The following TTC9 variants were observed in gnomAD, a reference collection of about 807,000 sequenced individuals.
The protein encoded by TTC9 is tetratricopeptide repeat protein 9A.
Under a neutral mutation model 22.9 loss-of-function variants are expected in TTC9, and 13 were observed. The ratio of observed to expected loss-of-function variants is 0.57; its 90% confidence interval spans 0.37 to 0.90. The LOEUF (loss-of-function observed/expected upper bound fraction) is 0.90. Among genes scored for constraint, TTC9 ranks in the 40% least tolerant of loss-of-function variants. TTC9 has a pLI of 0.01. For synonymous variants in TTC9, 148 were observed against 133.2 expected, an observed-to-expected ratio of 1.11 and a Z score of -0.77; for missense variants, 280 against 291.8, an observed-to-expected ratio of 0.96 and a Z score of 0.29.
intron 1 of TTC9, among the ~76,000 whole-genome samples, chr14:70,647,106 G>T (rs1282779260): frequency 6.6e-6 from 1 of 152,108 alleles, no homozygotes; most frequent in Non-Finnish European, 1.5e-5. Context: ...TATTAGCATA[G>T]ATTTTACTAT....
Position 70,642,162 on chromosome 14 carries a change from G to A in TTC9, c.33G>A (p.Lys11=), listed in dbSNP as rs1045409203. Residue 11 remains lysine (K), a synonymous_variant, in exon 1 of 3, where the codon AAG becomes AAA. Transcript: ENST00000256367. ...GAAAGGGCTCGGCGGCCGGGGCCAA[G>A]GGGAACCCGAGCCCGCCCGCGGCCG... MERKGSAAGA[K]GNPSPPAAGE... is the part of the protein sequence containing the mutation. 1.8e-5 allele frequency: 21 copies of A among 1,190,574 alleles called. No individual in the cohort carries two copies. In the African/African-American group the frequency reaches 3.1e-4, roughly 17 times the overall value. 73.8% of individuals were successfully genotyped at this position (1,190,574 alleles called of 1,614,324 possible).
intron 1 of TTC9, among the ~76,000 whole-genome samples, chr14:70,649,376 C>T (rs1454152494): frequency 6.6e-6 from 1 of 152,188 alleles, no homozygotes; most frequent in African/African-American, 2.4e-5. Context: ...CACCAGACTC[C>T]AGGCTTGGGG....
chr14:70,661,295 C>T (rs1195925715), intron 1 of TTC9, among the ~76,000 whole-genome samples: 1 of 152,214 alleles, frequency 6.6e-6, no homozygotes, highest in African/African-American at 2.4e-5. Context: ...ACTTGATCAT[C>T]TCTGCAAAGA....
At chr14:70,644,746 A>G (rs1885878895) in intron 1 of TTC9, among the ~76,000 whole-genome samples, 1 of 152,176 alleles carries the variant, frequency 6.6e-6, no homozygotes, top group East Asian at 1.9e-4. Flanking sequence ...CTCACAAAAG[A>G]ACGAAAAGAG....
rs1321690062 is a variant in TTC9 at position 70,642,437 on chromosome 14, C to G, written c.308C>G (p.Pro103Arg). Residue 103 changes from proline to arginine, a missense_variant, in exon 1 of 3, where the codon CCG (proline) becomes CGG (arginine). Physicochemically the swap from Pro to Arg is moderately radical, Grantham distance 103 (BLOSUM62 -2). Coordinates refer to ENST00000256367, the MANE Select transcript of TTC9 (RefSeq NM_015351.2). ...PPGERERDSR[P>R]ASPAGALKPG... The stretch of plus-strand genomic sequence containing the variant: ...GGGGAACGGGAGCGGGACTCGCGCC[C>G]GGCCTCCCCGGCTGGGGCCCTGAAG... The G allele has an allele frequency of 4.5e-6, 7 of 1,562,972 alleles. No homozygotes were observed. The highest frequency in any genetic ancestry group is 2.4e-5 in the East Asian group (1 of 41,368).
chr14:70,644,503 A>G (rs1224476424), intron 1 of TTC9, among the ~76,000 whole-genome samples: 1 of 152,158 alleles, frequency 6.6e-6, no homozygotes, highest in African/African-American at 2.4e-5. Context: ...TTGCAGAGAA[A>G]AAGCTCAAGG....
intron 1 of TTC9, among the ~76,000 whole-genome samples, chr14:70,645,261 A>G (rs953582725): frequency 2.6e-5 from 4 of 152,266 alleles, no homozygotes; most frequent in African/African-American, 9.6e-5. Flanking sequence ...AGATTACAAA[A>G]TAATCAATGC....
intron 2 of TTC9, among the ~76,000 whole-genome samples, chr14:70,668,411 G>A (rs1368463682): frequency 6.6e-6 from 1 of 152,188 alleles, no homozygotes; most frequent in African/African-American, 2.4e-5. Flanking sequence ...AAAAAAGTGT[G>A]GAGAGGGGAC....
At chr14:70,646,478 T>G (rs1885903519) in intron 1 of TTC9, among the ~76,000 whole-genome samples, 1 of 152,232 alleles carries the variant, frequency 6.6e-6, no homozygotes, top group Admixed American at 6.5e-5. Flanking sequence ...TGTGGGGCTG[T>G]GGTGGCCCTA....
chr14:70,654,755 G>A (rs960907960), intron 1 of TTC9, among the ~76,000 whole-genome samples: 3 of 152,090 alleles, frequency 2.0e-5, no homozygotes, highest in Admixed American at 6.5e-5. Flanking sequence ...TCCCAAGCCC[G>A]AATAGGCTCA....
chr14:70,656,441 A>G (rs1289150532), intron 1 of TTC9, among the ~76,000 whole-genome samples: 2 of 152,180 alleles, frequency 1.3e-5, no homozygotes, highest in African/African-American at 2.4e-5. Context: ...TATTTCCAGC[A>G]TTCTGTGATT....
At chr14:70,644,446 C>G (rs1885874292) in intron 1 of TTC9, among the ~76,000 whole-genome samples, 1 of 152,224 alleles carries the variant, frequency 6.6e-6, no homozygotes, top group Admixed American at 6.5e-5. Context: ...CATACATTGT[C>G]TCTTTAAATC....
In TTC9 at chr14:70,667,867, G is replaced by T. The variant is rs1220886820; in HGVS notation, c.589+121G>T. 1.4e-5 allele frequency: 13 copies of T among 951,280 alleles called. No homozygotes were observed. The East Asian group carries it at 3.2e-4, about 23-fold the overall frequency. 58.9% of individuals were successfully genotyped at this position (951,280 alleles called of 1,614,324 possible). On this transcript the variant is annotated intron_variant, in intron 2 of 2. Coordinates refer to ENST00000256367, the MANE Select transcript of TTC9 (RefSeq NM_015351.2). ...CAGGGACAGAGATGGCAAAATTAGGGATCAGATATATATGATAAGACCTAA... is the reference window on the plus strand; with the variant it reads ...CAGGGACAGAGATGGCAAAATTAGGTATCAGATATATATGATAAGACCTAA...
intron 1 of TTC9, among the ~76,000 whole-genome samples, chr14:70,648,903 A>G (rs1202213685): frequency 1.3e-5 from 2 of 152,224 alleles, no homozygotes; most frequent in Non-Finnish European, 2.9e-5. Flanking sequence ...TGGTATTTAT[A>G]TGGCCTTGGA....
intron 1 of TTC9, among the ~76,000 whole-genome samples, chr14:70,647,496 A>T (rs1885919517): frequency 2.0e-5 from 3 of 152,174 alleles, no homozygotes; most frequent in Non-Finnish European, 4.4e-5. Context: ...TGTGTTTCTG[A>T]GAACATTTTT....
chr14:70,654,313 G>A (rs963270963), intron 1 of TTC9, among the ~76,000 whole-genome samples: 4 of 151,970 alleles, frequency 2.6e-5, no homozygotes, highest in East Asian at 3.9e-4. Flanking sequence ...GTTTCTGCCC[G>A]GGAGTGGTGG....
At chr14:70,643,189 T>C (rs1885850933) in intron 1 of TTC9, among the ~76,000 whole-genome samples, 1 of 152,208 alleles carries the variant, frequency 6.6e-6, no homozygotes, top group Admixed American at 6.5e-5. Flanking sequence ...GCTTGAACTA[T>C]GCTGCATTCT....
chr14:70,646,071 C>T (rs984433042), intron 1 of TTC9, among the ~76,000 whole-genome samples: 2 of 152,102 alleles, frequency 1.3e-5, no homozygotes, highest in African/African-American at 4.8e-5. Flanking sequence ...CTTGAGGGGA[C>T]GCATGAAGGG....
intron 1 of TTC9, among the ~76,000 whole-genome samples, chr14:70,658,527 A>G (rs986317559): frequency 3.3e-5 from 5 of 152,242 alleles, no homozygotes; most frequent in Admixed American, 1.3e-4. Context: ...AGGTTCTGCA[A>G]AGCATTACCA....
Sources: allele counts gnomAD v4.1 joint callset (sites outside exome capture counted in the v4.1 genomes callset), GRCh38; gene constraint gnomAD v4.1.1; transcripts MANE v1.5; gene names NCBI Gene and HGNC (gene_info 2026-07-23, HGNC 2026-07-21).